TNS1: variants seen among roughly 807,000 people sequenced by gnomAD.
The protein encoded by TNS1 is tensin-1.
A neutral mutation model predicts 168.6 loss-of-function variants in TNS1; 62 were observed. The ratio of observed to expected loss-of-function variants is 0.37; its 90% CI spans 0.30 to 0.45. The LOEUF is 0.45. Ranked by LOEUF, TNS1 falls within the 20% of genes least tolerant of loss-of-function variation. The pLI is 1.00. For synonymous variants in TNS1, 934 were observed against 933.2 expected, an observed-to-expected ratio of 1.00 and a Z score of -0.02; for missense variants, 2,240 against 2,339.4, an observed-to-expected ratio of 0.96 and a Z score of 0.88.
intron 2 of TNS1, among the ~76,000 whole-genome samples, chr2:217,990,422 C>A (rs549644483): frequency 3.7e-4 from 55 of 150,182 alleles, no homozygotes; most frequent in African/African-American, 1.3e-3. Context: ...ACCCTGACCA[C>A]AACCTCCACA....
At position 217,818,762 on chromosome 2, in the gene TNS1, G is replaced by A. The variant is rs1421706602; in HGVS notation, c.3573-3C>T. ...ACGGGAAACTCCCCACTGAAGTGCTGCAGAGAGATGGCAGGTTGCGATGTC... is the reference window on the plus strand; with the variant it reads ...ACGGGAAACTCCCCACTGAAGTGCTACAGAGAGATGGCAGGTTGCGATGTC... On this transcript the variant is annotated splice_polypyrimidine_tract_variant and splice_region_variant and intron_variant, in intron 23 of 32. Coordinates refer to ENST00000682258, the MANE Select transcript of TNS1 (RefSeq NM_001387777.1). 6.2e-6 allele frequency: 10 copies of A among 1,602,322 alleles called. No homozygotes were observed. The highest frequency in any genetic ancestry group is 8.5e-6 in the Non-Finnish European group (10 of 1,173,538).
chr2:217,837,130 C>G (rs144535883), intron 19 of TNS1, among the ~76,000 whole-genome samples: 221 of 152,266 alleles, frequency 1.5e-3, no homozygotes, highest in Non-Finnish European at 2.6e-3. Flanking sequence ...GGTCTTGACT[C>G]TCTTCTGGGA....
intron 6 of TNS1, among the ~76,000 whole-genome samples, chr2:217,902,198 T>C (rs1953079836): frequency 6.6e-6 from 1 of 152,054 alleles, no homozygotes; most frequent in East Asian, 1.9e-4. Context: ...AACCCAACAG[T>C]TCACCCATCT....
intron 9 of TNS1, among the ~76,000 whole-genome samples, chr2:217,894,635 C>A (rs190450252): frequency 1.3e-5 from 2 of 151,924 alleles, no homozygotes; most frequent in African/African-American, 4.8e-5. Context: ...CCAGCCTGGG[C>A]GACAGAGGGG....
intron 4 of TNS1, among the ~76,000 whole-genome samples, chr2:217,907,614 C>T (rs961723087): frequency 6.6e-6 from 1 of 152,188 alleles, no homozygotes; most frequent in East Asian, 1.9e-4. Context: ...ACCATTAATA[C>T]CTTTTATCCC....
Position 217,992,924 on chromosome 2 carries a change from G to A in TNS1, c.34-1868C>T, listed in dbSNP as rs188737082. On this transcript the variant is annotated intron_variant, in intron 1 of 32. Coordinates refer to ENST00000682258, the MANE Select transcript of TNS1 (RefSeq NM_001387777.1). ...ATGGCTTAAATGCGTCTTTGCTGAC[G>A]ATCAGAAATGCAGTCATCGCCACAT... is the stretch of plus-strand genomic sequence containing the variant. Among the ~76,000 whole-genome samples the A allele has an allele frequency of 5.3e-5, 8 of 152,290 alleles. No individual in the cohort carries two copies. In the South Asian group the frequency reaches 6.2e-4, roughly 12 times the overall value.
chr2:217,940,529 T>G (rs925846396), intron 3 of TNS1, among the ~76,000 whole-genome samples: 7 of 152,044 alleles, frequency 4.6e-5, no homozygotes, highest in African/African-American at 1.7e-4. Flanking sequence ...CATCACTGAG[T>G]CTCTTTCAAA....
intron 1 of TNS1, among the ~76,000 whole-genome samples, chr2:218,002,523 G>A (rs1045257299): frequency 1.4e-5 from 2 of 142,726 alleles, no homozygotes; most frequent in Non-Finnish European, 3.0e-5. Context: ...CGGGAGGAAA[G>A]GCTCTAAAGA....
At chr2:217,976,486 A>G (rs1306006286) in intron 3 of TNS1, among the ~76,000 whole-genome samples, 1 of 152,182 alleles carries the variant, frequency 6.6e-6, no homozygotes, top group Non-Finnish European at 1.5e-5. Context: ...CCCATTCCCT[A>G]TAGAGGAAAC....
rs1339646594 is a variant in TNS1, at chr2:217,995,066, G to A, written c.34-4010C>T. On this transcript the variant is annotated intron_variant, in intron 1 of 32. Transcript: ENST00000682258. The surrounding 1 kb of genome is among the most constrained non-coding windows in gnomAD (Gnocchi z 4.1). ...GGAATGAAGGGACTGAAAGTGATGGGGGTGGGACTTGCAGATGATTCAGAG... is the reference window on the plus strand; with the variant it reads ...GGAATGAAGGGACTGAAAGTGATGGAGGTGGGACTTGCAGATGATTCAGAG... Among the ~76,000 whole-genome samples the A allele has an allele frequency of 6.6e-6, 1 of 152,134 alleles. No homozygotes were observed. Among genetic ancestry groups the A allele is most frequent in the South Asian group, 2.1e-4 (1 of 4,824 alleles).
rs770979304 is a variant in TNS1, at chr2:217,847,863, G to C, written c.2654C>G (p.Thr885Ser). The change falls in exon 19 of 33, where the codon ACC becomes AGC. Residue 885 changes from threonine to serine, a missense_variant. Transcript: ENST00000682258. ...SGSSRQSHPL[T>S]QSRSGYIPSG... ...GGGGATATAGCCAGATCTGGACTGG[G>C]TCAGTGGATGGGACTGACGGGAGGA... 1.1e-5 allele frequency: 17 copies of C among 1,580,304 alleles called. 1 individual carries two copies. The South Asian group carries it at 1.8e-4, about 17-fold the overall frequency.
chr2:217,922,696 G>C (rs983103773), intron 3 of TNS1, among the ~76,000 whole-genome samples: 1 of 152,222 alleles, frequency 6.6e-6, no homozygotes, highest in Non-Finnish European at 1.5e-5. Context: ...GACAGGAGGG[G>C]GCCCAGGTAT....
rs1350693915 is a variant in TNS1, at chr2:218,032,965, C to A, written c.156+855G>T. On this transcript the variant is annotated intron_variant, in intron 1 of 1. Transcript: ENST00000649572. This position sits in a 1 kb window ranked among gnomAD's most constrained non-coding sequence, Gnocchi z 4.0. The stretch of plus-strand genomic sequence containing the variant: ...CCCTTGATCATCCACCTCCAGAGCC[C>A]CGGCTCCTCCCTCCATCACAGCCCC... 6.6e-6 allele frequency among the ~76,000 whole-genome samples: 1 copy of A among 152,182 alleles called. No homozygotes were observed. The highest frequency in any genetic ancestry group is 1.5e-5 in the Non-Finnish European group (1 of 68,014).
intron 3 of TNS1, among the ~76,000 whole-genome samples, chr2:217,971,873 C>G (rs545081203): frequency 1.3e-5 from 2 of 152,062 alleles, no homozygotes; most frequent in East Asian, 1.9e-4. Context: ...GGCAAACAAG[C>G]GAAAGACATA....
intron 4 of TNS1, among the ~76,000 whole-genome samples, chr2:217,918,208 A>AT (rs1251739566): frequency 6.6e-6 from 1 of 152,248 alleles, no homozygotes; most frequent in Non-Finnish European, 1.5e-5. Context: ...GGCTTACAGC[A>AT]TAGGTACCGT....
intron 24 of TNS1, 30 bp from the exon 25 acceptor site, chr2:217,815,028 T>G: frequency 1.9e-6 from 3 of 1,574,426 alleles, no homozygotes; most frequent in Non-Finnish European, 2.6e-6. Flanking sequence ...GAAAGTGTTA[T>G]GGGTTAAATT....
chr2:217,888,721 G>T (rs189822057), intron 12 of TNS1, among the ~76,000 whole-genome samples: 5 of 152,320 alleles, frequency 3.3e-5, no homozygotes, highest in Non-Finnish European at 7.4e-5. Context: ...GTCACCATGT[G>T]AGATTTGCCT....
At chr2:217,823,749 G>T (rs1176648175) in intron 22 of TNS1, among the ~76,000 whole-genome samples, 1 of 152,240 alleles carries the variant, frequency 6.6e-6, no homozygotes, top group Non-Finnish European at 1.5e-5. Flanking sequence ...GGGGCAGTTT[G>T]TCTGCAAAGA....
intron 18 of TNS1, among the ~76,000 whole-genome samples, chr2:217,866,286 A>T (rs1303355138): frequency 6.6e-6 from 1 of 152,192 alleles, no homozygotes; most frequent in Non-Finnish European, 1.5e-5. Flanking sequence ...GCAGAGGGCA[A>T]GTATAGGTGA....
Sources: gnomAD v4.1 joint callset for allele counts (sites outside exome capture counted in the v4.1 genomes callset) on GRCh38, gnomAD v4.1.1 for gene constraint, Gnocchi (gnomAD v3.1) non-coding constraint, MANE v1.5 for transcripts, NCBI Gene and HGNC (gene_info 2026-07-23, HGNC 2026-07-21) for gene names.